Variants in ZMYND12 observed in about 807,000 individuals in gnomAD.
ZMYND12 encodes the protein zinc finger MYND-type containing 12, also known as zinc finger MYND domain-containing protein 12.
ZMYND12 carries 32 observed loss-of-function variants against 41.7 expected under a neutral mutation model. The ratio of observed to expected loss-of-function variants is 0.77; its 90% CI spans 0.58 to 1.03. The LOEUF (loss-of-function observed/expected upper bound fraction) is 1.03, where lower values mean the gene tolerates loss of function less well. Among genes scored for constraint, ZMYND12 ranks in the 50% least tolerant of loss-of-function variants. ZMYND12 has a pLI of 0.00. For synonymous variants in ZMYND12, 148 were observed against 164.8 expected (o/e 0.90, Z 0.78); for missense variants, 424 against 438.5 (o/e 0.97, Z 0.30).
chr1:42,435,101 C>A (rs1467626689), intron 6 of ZMYND12, among the ~76,000 whole-genome samples, 173 bp downstream of exon 6: 1 of 152,168 alleles, frequency 6.6e-6, no homozygotes, highest in Non-Finnish European at 1.5e-5. Flanking sequence ...TTCTTCCCAA[C>A]ACTGGTAAAA....
At chr1:42,443,156 T>A (rs548111308) in intron 3 of ZMYND12, among the ~76,000 whole-genome samples, 1 of 152,308 alleles carries the variant, frequency 6.6e-6, no homozygotes, top group South Asian at 2.1e-4. Context: ...TAAACAAGCA[T>A]CAGTCCTAAA....
Position 42,435,346 on chromosome 1 carries a change from G to T in ZMYND12, c.757C>A (p.Gln253Lys). ...TGGATGTGAGCCTGTGAGAGGACTT[G>T]ATAGTGATTGTTCAAATATGCATGC... ...IWHAYLNNHY[Q>K]VLSQAHIQQM... The change falls in exon 6 of 8, where the codon CAA (glutamine) becomes AAA (lysine). Residue 253 changes from glutamine to lysine, a missense_variant. Coordinates refer to ENST00000372565, the MANE Select transcript of ZMYND12 (RefSeq NM_032257.5). 1 of 1,614,070 alleles carries T rather than the reference G, an allele frequency of 6.2e-7. No homozygotes were observed. Among genetic ancestry groups the T allele is most frequent in the Non-Finnish European group, 8.5e-7 (1 of 1,179,924 alleles).
Position 42,451,983 on chromosome 1 carries a change from T to C in ZMYND12, c.111-1924A>G, listed in dbSNP as rs147330627. 7.0e-3 allele frequency among the ~76,000 whole-genome samples: 1,061 copies of C among 152,342 alleles called. 13 individuals are homozygous for C. The highest frequency in any genetic ancestry group is 0.024 in the African/African-American group (1,013 of 41,574). The stretch of plus-strand genomic sequence containing the variant: ...CACAGGGTCAGGGATAAAGTAGGAA[T>C]GGATAAATGCTTTCAATCAGGGCTC... On this transcript the variant is annotated intron_variant, in intron 1 of 7. Coordinates refer to ENST00000372565, the MANE Select transcript of ZMYND12 (RefSeq NM_032257.5).
At chr1:42,439,506 C>A (rs889926327) in intron 4 of ZMYND12, among the ~76,000 whole-genome samples, 1 of 152,054 alleles carries the variant, frequency 6.6e-6, no homozygotes, top group African/African-American at 2.4e-5. Flanking sequence ...CCTCGTGATC[C>A]ACCCACCTTG....
Position 42,450,017 on chromosome 1 carries a change from C to G in ZMYND12, c.153G>C (p.Glu51Asp), listed in dbSNP as rs1643067136. ...GTGGAATCAAGAGCTGACATATTTT[C>G]TCATGGATGCTGTCCCAGTCAGCCT... ...HQKADWDSIH[E>D]KICQLLIPLR... The change falls in exon 2 of 8, where the codon GAG becomes GAC. Residue 51 changes from glutamate (E) to aspartate (D), a missense_variant. Transcript: ENST00000372565. The G allele has an allele frequency of 6.2e-7, 1 of 1,613,964 alleles. No individual in the cohort carries two copies. Among genetic ancestry groups the G allele is most frequent in the African/African-American group, 1.3e-5 (1 of 75,048 alleles).
chr1:42,455,570 G>A (rs1340009346), intron 1 of ZMYND12, among the ~76,000 whole-genome samples: 4 of 152,192 alleles, frequency 2.6e-5, no homozygotes, highest in African/African-American at 4.8e-5. Flanking sequence ...CACCGCGCCC[G>A]GCCTGTTTCT....
At chr1:42,436,652 T>A (rs1408361071) in intron 4 of ZMYND12, 109 bp from the exon 5 acceptor site, 2 of 1,331,412 alleles carry the variant, frequency 1.5e-6, no homozygotes, top group Non-Finnish European at 2.0e-6. Flanking sequence ...ACATTCCAAT[T>A]TAAAAATGGG....
chr1:42,449,898 G>A lies in ZMYND12; in HGVS notation c.252+20C>T, dbSNP rs772931855. The A allele has an allele frequency of 1.2e-6, 2 of 1,607,630 alleles. No individual in the cohort carries two copies. The highest frequency in any genetic ancestry group is 1.7e-6 in the Non-Finnish European group (2 of 1,179,890). ...TCACCGCACCTACGACTTAACCTTG[G>A]AAAGTGCCGTAGGCCCTACCTGCCG... On this transcript the variant is annotated intron_variant, in intron 2 of 7. Coordinates refer to ENST00000372565, the MANE Select transcript of ZMYND12 (RefSeq NM_032257.5).
rs775496440 is a variant in ZMYND12, at chr1:42,448,545, G to A, written c.346C>T (p.Arg116Cys). The stretch of plus-strand genomic sequence containing the variant: ...AGGCCATACAGCTTCACACGGAAGC[G>A]AAGGGACTGCAAAGCTGCTGGTACA... The part of the protein sequence containing the change: ...DAVPAALQSL[R>C]FRVKLYGLSS... Residue 116 changes from arginine (R) to cysteine (C), a missense_variant, in exon 3 of 8, where the codon CGC (arginine) becomes TGC (cysteine). Coordinates refer to ENST00000372565, the MANE Select transcript of ZMYND12 (RefSeq NM_032257.5). 1.1e-5 allele frequency: 17 copies of A among 1,613,942 alleles called. No individual in the cohort carries two copies. Among genetic ancestry groups the A allele is most frequent in the African/African-American group, 8.0e-5 (6 of 75,058 alleles).
At chr1:42,442,290 C>T (rs772013526) in intron 3 of ZMYND12, among the ~76,000 whole-genome samples, 10 of 152,106 alleles carry the variant, frequency 6.6e-5, no homozygotes, top group Non-Finnish European at 7.3e-5. Context: ...TGGAAGATGT[C>T]TGAAATAGTT....
At chr1:42,442,900 C>A (rs1054843093) in intron 3 of ZMYND12, among the ~76,000 whole-genome samples, 1 of 152,140 alleles carries the variant, frequency 6.6e-6, no homozygotes, top group Admixed American at 6.5e-5. Flanking sequence ...AGTCCCTGAT[C>A]CTGGCTCATG....
intron 3 of ZMYND12, among the ~76,000 whole-genome samples, chr1:42,446,965 T>G (rs777547761): frequency 1.3e-4 from 20 of 152,104 alleles, no homozygotes; most frequent in Non-Finnish European, 2.8e-4. Flanking sequence ...TCAGGGACAG[T>G]TTGAGGATCA....
At chr1:42,448,115 T>C (rs529618367) in intron 3 of ZMYND12, among the ~76,000 whole-genome samples, 2 of 146,352 alleles carry the variant, frequency 1.4e-5, no homozygotes, top group Non-Finnish European at 3.0e-5. Flanking sequence ...AGAGGGAAAA[T>C]AGCAAAGCAG....
At chr1:42,438,902 T>A (rs1642935035) in intron 4 of ZMYND12, among the ~76,000 whole-genome samples, 2 of 152,182 alleles carry the variant, frequency 1.3e-5, no homozygotes, top group African/African-American at 2.4e-5. Context: ...TCTCTGGTAA[T>A]ATTTTCCAGT....
Position 42,439,952 on chromosome 1 carries a change from A to G in ZMYND12, c.498T>C (p.Cys166=), listed in dbSNP as rs1642950839. 1 of 1,614,120 alleles carries G rather than the reference A, an allele frequency of 6.2e-7. No homozygotes were observed. The highest frequency in any genetic ancestry group is 1.1e-5 in the South Asian group (1 of 91,074). The change falls in exon 4 of 8, where the codon TGT becomes TGC. Residue 166 remains cysteine (C), a synonymous_variant. Coordinates refer to ENST00000372565, the MANE Select transcript of ZMYND12 (RefSeq NM_032257.5). The part of the protein sequence containing the change: ...AQWTVLKSTD[C]SNATHSLLHR... ...GCAGTAAAGAGTGGGTGGCATTACT[A>G]CAGTCAGTTGATTTGAGGACTGTCC...
At position 42,430,990 on chromosome 1, in the gene ZMYND12, T is replaced by C. The variant is rs182411539; in HGVS notation, c.976-132A>G. 4.7e-6 allele frequency: 6 copies of C among 1,282,134 alleles called. No individual in the cohort carries two copies. The Admixed American group carries it at 6.8e-5, about 15-fold the overall frequency. 79.4% of individuals were successfully genotyped at this position (1,282,134 alleles called of 1,614,324 possible). On this transcript the variant is annotated intron_variant, in intron 7 of 7. Transcript: ENST00000372565. ...TTTCACACCACCCACTGAGCTCTTG[T>C]TGATAAACCTGTAAACACACTGGGC...
chr1:42,440,046 A>AG, intron 3 of ZMYND12, 21 bp from the exon 4 acceptor site: 2 of 1,581,494 alleles, frequency 1.3e-6, no homozygotes, highest in Non-Finnish European at 1.7e-6. Context: ...GCAGAAAAGA[A>AG]GGTTATAATT....
intron 2 of ZMYND12, among the ~76,000 whole-genome samples, chr1:42,449,657 C>T (rs894766181): frequency 2.0e-5 from 3 of 152,166 alleles, no homozygotes; most frequent in Admixed American, 2.0e-4. Flanking sequence ...GCCTCCAGAG[C>T]TGTGAGGAAA....
chr1:42,432,213 G>A (rs1235429427), intron 7 of ZMYND12, among the ~76,000 whole-genome samples: 1 of 151,512 alleles, frequency 6.6e-6, no homozygotes, highest in Non-Finnish European at 1.5e-5. Context: ...CACACCTCTA[G>A]CCCGGCTGAT....
Sources: allele counts gnomAD v4.1 joint callset (sites outside exome capture counted in the v4.1 genomes callset), GRCh38; gene constraint gnomAD v4.1.1; transcripts MANE v1.5; gene names NCBI Gene and HGNC (gene_info 2026-07-23, HGNC 2026-07-21).